The following ZNF804B variants were observed in gnomAD, a reference collection of about 807,000 sequenced individuals.
ZNF804B encodes zinc finger 804B.
Under a neutral mutation model 101.4 loss-of-function variants are expected in ZNF804B, and 80 were observed. The observed-to-expected ratio is 0.79, with a 90% CI of 0.66 to 0.95. ZNF804B has a LOEUF of 0.95. ZNF804B is among the 40% of genes least tolerant of loss of function. The pLI is 0.00. For missense variants in ZNF804B, 1,673 were observed against 1,561.9 expected, an observed-to-expected ratio of 1.07 and a Z score of -1.20; for synonymous variants, 622 against 558.8, an observed-to-expected ratio of 1.11 and a Z score of -1.59.
chr7:89,230,890 C>T (rs942749246), intron 2 of ZNF804B, among the ~76,000 whole-genome samples: 2 of 152,022 alleles, frequency 1.3e-5, no homozygotes, highest in African/African-American at 4.8e-5. Flanking sequence ...TACATATCTT[C>T]TTTGGTGAAG....
chr7:88,796,408 T>C (rs1790485776), intron 1 of ZNF804B, among the ~76,000 whole-genome samples: 1 of 152,116 alleles, frequency 6.6e-6, no homozygotes, highest in Admixed American at 6.6e-5. Context: ...CTCATTGTGA[T>C]TCACTTTATC....
intron 2 of ZNF804B, among the ~76,000 whole-genome samples, chr7:89,314,180 T>G (rs1279439474): frequency 6.6e-6 from 1 of 152,202 alleles, no homozygotes; most frequent in East Asian, 1.9e-4. Flanking sequence ...TAAAGTGACA[T>G]GAAATCTTGG....
intron 1 of ZNF804B, among the ~76,000 whole-genome samples, chr7:88,920,113 T>A (rs1307257594): frequency 6.6e-6 from 1 of 152,014 alleles, no homozygotes; most frequent in Non-Finnish European, 1.5e-5. Context: ...ATGCACAAGG[T>A]TAAAAAAGCA....
At chr7:88,791,515 TTAA>T (rs1465234276) in intron 1 of ZNF804B, among the ~76,000 whole-genome samples, 1 of 152,158 alleles carries the variant, frequency 6.6e-6, no homozygotes, top group Non-Finnish European at 1.5e-5. Flanking sequence ...ATTAAGATTG[TTAA>T]TAATTCTCTT....
chr7:89,082,950 C>G (rs548231156), intron 1 of ZNF804B, among the ~76,000 whole-genome samples: 7 of 151,704 alleles, frequency 4.6e-5, no homozygotes, highest in African/African-American at 1.7e-4. Context: ...ATATTATTGG[C>G]ACTTTGAAGA....
chr7:89,181,487 A>G (rs116529402), intron 1 of ZNF804B, among the ~76,000 whole-genome samples: 1,881 of 152,166 alleles, frequency 0.012, 42 homozygotes, highest in African/African-American at 0.043. Flanking sequence ...CTGAGTTCCA[A>G]TGCAATGTCC....
chr7:88,963,900 C>A (rs1793422320), intron 1 of ZNF804B, among the ~76,000 whole-genome samples: 2 of 151,156 alleles, frequency 1.3e-5, no homozygotes, highest in Non-Finnish European at 3.0e-5. Flanking sequence ...AAGATAAATG[C>A]CCAACAAATG....
chr7:89,237,885 A>G (rs1258180076), intron 2 of ZNF804B, among the ~76,000 whole-genome samples: 1 of 152,234 alleles, frequency 6.6e-6, no homozygotes, highest in Non-Finnish European at 1.5e-5. Flanking sequence ...ACACAAAAGT[A>G]CTCTAATAAG....
chr7:89,122,091 A>G lies in ZNF804B; in HGVS notation c.109-96064A>G, dbSNP rs1414073633. 2.6e-5 allele frequency among the ~76,000 whole-genome samples: 4 copies of G among 151,846 alleles called. No individual in the cohort carries two copies. In the South Asian group the frequency reaches 8.3e-4, roughly 31 times the overall value. ...AAGTAATATATATATTAAACTACTTATTTATATAGTTAAAATACAATAGTA... is the reference window on the plus strand; with the variant it reads ...AAGTAATATATATATTAAACTACTTGTTTATATAGTTAAAATACAATAGTA... On this transcript the variant is annotated intron_variant, in intron 1 of 3. Coordinates refer to ENST00000333190, the MANE Select transcript of ZNF804B (RefSeq NM_181646.5).
intron 1 of ZNF804B, among the ~76,000 whole-genome samples, chr7:89,027,089 T>C (rs1788763226): frequency 6.6e-6 from 1 of 151,988 alleles, no homozygotes; most frequent in South Asian, 2.1e-4. Flanking sequence ...AGAAAGTGAT[T>C]ATAAAAAACC....
At chr7:89,167,934 A>C (rs1417386003) in intron 1 of ZNF804B, among the ~76,000 whole-genome samples, 1 of 152,172 alleles carries the variant, frequency 6.6e-6, no homozygotes, top group South Asian at 2.1e-4. Context: ...CAAAATAATC[A>C]TTAAAGCATA....
intron 1 of ZNF804B, among the ~76,000 whole-genome samples, chr7:88,907,552 A>G (rs1339844714): frequency 6.6e-6 from 1 of 151,990 alleles, no homozygotes; most frequent in East Asian, 1.9e-4. Context: ...TTAATCCCTT[A>G]TGATAATTTT....
chr7:89,318,674 A>G (rs563186197), intron 2 of ZNF804B, among the ~76,000 whole-genome samples: 198 of 152,254 alleles, frequency 1.3e-3, no homozygotes, highest in Middle Eastern at 0.01. Context: ...GAGGCAGGAG[A>G]ATTGCTTGAA....
chr7:88,842,374 C>A (rs1217658363), intron 1 of ZNF804B, among the ~76,000 whole-genome samples: 1 of 152,144 alleles, frequency 6.6e-6, no homozygotes, highest in African/African-American at 2.4e-5. Flanking sequence ...TGGAACACTG[C>A]CAACTCTGTT....
At chr7:89,131,618 A>G (rs1486338699) in intron 1 of ZNF804B, among the ~76,000 whole-genome samples, 1 of 152,058 alleles carries the variant, frequency 6.6e-6, no homozygotes, top group African/African-American at 2.4e-5. Flanking sequence ...GGGACATTTT[A>G]AGGAAAATGT....
At chr7:88,877,525 G>A (rs1396040817) in intron 1 of ZNF804B, among the ~76,000 whole-genome samples, 1 of 152,048 alleles carries the variant, frequency 6.6e-6, no homozygotes, top group Non-Finnish European at 1.5e-5. Flanking sequence ...GTGTGAACCA[G>A]TGGTTAAAAT....
rs539774955 is a variant in ZNF804B at position 89,232,986 on chromosome 7, A to G, written c.249+14691A>G. 4.5e-3 allele frequency among the ~76,000 whole-genome samples: 685 copies of G among 152,150 alleles called. 8 individuals carry two copies. Among genetic ancestry groups the G allele is most frequent in the Non-Finnish European group, 3.3e-3 (223 of 68,004 alleles). ...GCCCAGGCTGGAGTGCAGTGGCGCG[A>G]TCTCCACTCACTGCAAGCTCCGCCT... On this transcript the variant is annotated intron_variant, in intron 2 of 3. Transcript: ENST00000333190.
At chr7:88,763,173 A>G (rs996934007) in intron 1 of ZNF804B, among the ~76,000 whole-genome samples, 1 of 152,172 alleles carries the variant, frequency 6.6e-6, no homozygotes, top group Non-Finnish European at 1.5e-5. Flanking sequence ...TTTATGTTCA[A>G]ATCACATGTC....
intron 1 of ZNF804B, among the ~76,000 whole-genome samples, chr7:88,873,439 A>C (rs1406719484): frequency 3.3e-5 from 5 of 152,106 alleles, no homozygotes; most frequent in African/African-American, 1.2e-4. Flanking sequence ...CTCTGATGGT[A>C]GTTTCTTTTG....
Sources: allele counts gnomAD v4.1 joint callset (sites outside exome capture counted in the v4.1 genomes callset), GRCh38; gene constraint gnomAD v4.1.1; transcripts MANE v1.5; gene names NCBI Gene and HGNC (gene_info 2026-07-23, HGNC 2026-07-21).